The following APLF variants were observed in gnomAD, a reference collection of about 807,000 sequenced individuals.
The protein encoded by APLF is aprataxin and PNK-like factor.
In APLF, 61 loss-of-function variants were observed where a neutral mutation model predicts 55.6. The observed-to-expected ratio is 1.10, with a 90% CI of 0.89 to 1.36. APLF has a LOEUF of 1.36. Ranked by LOEUF, APLF falls within the 40% of genes most tolerant of loss-of-function variation. The pLI is 0.00. For synonymous variants in APLF, 207 were observed against 214.8 expected (o/e 0.96, Z 0.32); for missense variants, 611 against 602.5 (o/e 1.01, Z -0.15).
Position 68,527,609 on chromosome 2 carries a change from C to T in APLF, c.804+1367C>T, listed in dbSNP as rs542797069. Among the ~76,000 whole-genome samples, 6 of 150,396 alleles carry T rather than the reference C, an allele frequency of 4.0e-5. No homozygotes were observed. In the East Asian group the frequency reaches 7.9e-4, roughly 20 times the overall value. On this transcript the variant is annotated intron_variant, in intron 6 of 9. Transcript: ENST00000303795. ...GGCCGGGCAGAGGCAGTCCTCGATT[C>T]GCAGACAGGATGGCAGCCGGGCAGA...
At chr2:68,538,278 G>T in intron 7 of APLF, 51 bp downstream of exon 7, 1 of 1,473,204 alleles carries the variant, frequency 6.8e-7, no homozygotes, top group Non-Finnish European at 9.2e-7. Flanking sequence ...ATAGCGTGTA[G>T]CTATGTAGAT....
At chr2:68,540,274 T>G (rs1353702824) in intron 7 of APLF, among the ~76,000 whole-genome samples, 2 of 152,112 alleles carry the variant, frequency 1.3e-5, no homozygotes, top group East Asian at 3.9e-4. Context: ...GGTTTCCTGT[T>G]CTTGTGTTAG....
At chr2:68,518,043 GTAATATATCATTAATATA>G (rs1487015966) in intron 5 of APLF, among the ~76,000 whole-genome samples, 1 of 128,912 alleles carries the variant, frequency 7.8e-6, no homozygotes, top group African/African-American at 2.9e-5. Context: ...ATATATAACA[GTAATATATCATTAATATA>G]TAATATATCA....
chr2:68,555,772 A>G (rs1670991541), intron 8 of APLF, among the ~76,000 whole-genome samples: 1 of 152,178 alleles, frequency 6.6e-6, no homozygotes, highest in South Asian at 2.1e-4. Context: ...AACTAATACA[A>G]CCACTATGGA....
rs367904568 is a variant in APLF, at chr2:68,536,040, G to A, written c.805-1832G>A. 5.9e-5 allele frequency among the ~76,000 whole-genome samples: 9 copies of A among 152,296 alleles called. No homozygotes were observed. The East Asian group carries it at 7.7e-4, about 13-fold the overall frequency. ...ACCTGAAAAAGGAAAAAGAAAACTG[G>A]GGAGAACTGACCCAGGGGGAACTGC... On this transcript the variant is annotated intron_variant, in intron 6 of 9. Transcript: ENST00000303795.
At chr2:68,511,434 TTTG>T (rs898119773) in intron 3 of APLF, among the ~76,000 whole-genome samples, 7 of 151,800 alleles carry the variant, frequency 4.6e-5, no homozygotes, top group Middle Eastern at 3.4e-3. Flanking sequence ...TAAATAGAAT[TTTG>T]TTCTGAAATT....
At chr2:68,528,622 C>G (rs1670152524) in intron 6 of APLF, 1 of 1,533,736 alleles carries the variant, frequency 6.5e-7, no homozygotes, top group East Asian at 2.4e-5. Context: ...GGTCTTTACC[C>G]AGCACCTTCA....
At position 68,579,175 on chromosome 2, in the gene APLF, T is replaced by G; in HGVS notation, c.*1153T>G. The stretch of plus-strand genomic sequence containing the variant: ...AAAGATCAAAACATATTTATAATAA[T>G]ATTTTCTCATTGCTTTAAAATATAT... On this transcript the variant is annotated 3_prime_UTR_variant, in exon 10 of 10. Coordinates refer to ENST00000303795, the MANE Select transcript of APLF (RefSeq NM_173545.3). 1.3e-6 allele frequency: 1 copy of G among 775,430 alleles called. No individual in the cohort carries two copies. The highest frequency in any genetic ancestry group is 1.6e-6 in the Non-Finnish European group (1 of 638,776). 48.0% of individuals were successfully genotyped at this position (775,430 alleles called of 1,614,324 possible). A position where few individuals can be genotyped will look rare whatever the true frequency, so the allele number is the denominator to read the frequency against.
chr2:68,500,582 T>G (rs1676688035), intron 2 of APLF, among the ~76,000 whole-genome samples: 1 of 152,192 alleles, frequency 6.6e-6, no homozygotes. Context: ...TTAACGTTGT[T>G]TAGAGACTCA....
intron 3 of APLF, among the ~76,000 whole-genome samples, chr2:68,508,038 TG>T (rs1676925082): frequency 6.6e-6 from 1 of 151,842 alleles, no homozygotes. Context: ...TTATTTAAAA[TG>T]TAGTTTTAGA....
chr2:68,573,439 G>A (rs951734022), intron 9 of APLF, among the ~76,000 whole-genome samples: 42 of 152,092 alleles, frequency 2.8e-4, no homozygotes, highest in Non-Finnish European at 4.4e-4. Flanking sequence ...TTGGGGGGCC[G>A]AGGCGGGTGG....
intron 2 of APLF, among the ~76,000 whole-genome samples, chr2:68,494,977 C>T (rs1340461233): frequency 2.6e-5 from 4 of 152,126 alleles, no homozygotes; most frequent in African/African-American, 9.7e-5. Flanking sequence ...CACGAGAACT[C>T]ATGCACTATT....
At chr2:68,561,097 C>G (rs1214386687) in intron 8 of APLF, among the ~76,000 whole-genome samples, 2 of 151,982 alleles carry the variant, frequency 1.3e-5, no homozygotes, top group African/African-American at 4.8e-5. Context: ...TGACTTTTAC[C>G]AGCACATAGG....
intron 7 of APLF, among the ~76,000 whole-genome samples, chr2:68,543,898 A>G (rs1670624515): frequency 6.6e-6 from 1 of 152,126 alleles, no homozygotes; most frequent in Non-Finnish European, 1.5e-5. Context: ...TTGTTTTATA[A>G]TATCACTTCT....
At chr2:68,543,981 CT>C (rs71395974) in intron 7 of APLF, among the ~76,000 whole-genome samples, 18,234 of 128,762 alleles carry the variant, frequency 0.14, 2,376 homozygotes, top group African/African-American at 0.41. Flanking sequence ...ATTGTATTTT[CT>C]TTTTTTTTTT....
At chr2:68,520,871 G>C (rs187502951) in intron 5 of APLF, among the ~76,000 whole-genome samples, 1 of 151,984 alleles carries the variant, frequency 6.6e-6, no homozygotes, top group East Asian at 1.9e-4. Flanking sequence ...GTGGTATTTT[G>C]ATGAGAATTT....
At chr2:68,508,830 C>G (rs959670518) in intron 3 of APLF, among the ~76,000 whole-genome samples, 10 of 151,824 alleles carry the variant, frequency 6.6e-5, no homozygotes, top group Admixed American at 5.9e-4. Flanking sequence ...ATACTACAAG[C>G]CTACAGTAAC....
chr2:68,515,299 A>G (rs1296447402), intron 5 of APLF, among the ~76,000 whole-genome samples: 2 of 151,006 alleles, frequency 1.3e-5, no homozygotes, highest in Non-Finnish European at 3.0e-5. Flanking sequence ...TGTAATATAT[A>G]TATATATATA....
At chr2:68,515,572 T>C (rs192027070) in intron 5 of APLF, 1 of 984,300 alleles carries the variant, frequency 1.0e-6, no homozygotes, top group East Asian at 1.1e-4. Context: ...ATACGTTTTC[T>C]TTCCCTTGGT....
Sources: allele counts gnomAD v4.1 joint callset (sites outside exome capture counted in the v4.1 genomes callset), GRCh38; gene constraint gnomAD v4.1.1; transcripts MANE v1.5; gene names NCBI Gene and HGNC (gene_info 2026-07-23, HGNC 2026-07-21).